Variants in CYP7B1 observed in about 807,000 individuals in gnomAD.
The protein encoded by CYP7B1 is cytochrome P450 7B1.
CYP7B1 carries 29 observed loss-of-function variants against 42.7 expected under a neutral mutation model. That is an observed-to-expected ratio of 0.68 (90% CI 0.51 to 0.93). The LOEUF is 0.93. Among genes scored for constraint, CYP7B1 ranks in the 40% least tolerant of loss-of-function variants. The probability of loss-of-function intolerance (pLI) is 0.00; values close to 1 mark genes in which losing one functional copy is unlikely to be tolerated. For synonymous variants in CYP7B1, 235 were observed against 218.2 expected, an observed-to-expected ratio of 1.08 and a Z score of -0.68; for missense variants, 655 against 600.5, an observed-to-expected ratio of 1.09 and a Z score of -0.95.
At chr8:64,785,544 G>A (rs542018971) in intron 1 of CYP7B1, among the ~76,000 whole-genome samples, 2 of 152,240 alleles carry the variant, frequency 1.3e-5, no homozygotes, top group South Asian at 2.1e-4. Context: ...GAGCTATCAA[G>A]CCTTGAAAAG....
intron 1 of CYP7B1, among the ~76,000 whole-genome samples, chr8:64,625,741 G>A (rs1351486069): frequency 2.0e-5 from 3 of 152,062 alleles, no homozygotes; most frequent in Non-Finnish European, 4.4e-5. Flanking sequence ...ACAGCACAGT[G>A]TTTTTATATG....
At chr8:64,706,299 GC>G (rs1806998680) in intron 1 of CYP7B1, among the ~76,000 whole-genome samples, 1 of 152,018 alleles carries the variant, frequency 6.6e-6, no homozygotes, top group Non-Finnish European at 1.5e-5. Context: ...AGTAAAGTGT[GC>G]CAATAATGAG....
At position 64,633,185 on chromosome 8, in the gene CYP7B1, A is replaced by G. The variant is rs538722716; in HGVS notation, c.123-8646T>C. Among the ~76,000 whole-genome samples the G allele has an allele frequency of 1.2e-4, 18 of 152,310 alleles. No homozygotes were observed. In the South Asian group the frequency reaches 3.3e-3, roughly 28 times the overall value. ...AGATCCTCAGTGTCTTCACCTGTAA[A>G]GGAGAATGTTGATACCAACCTTGGT... On this transcript the variant is annotated intron_variant, in intron 1 of 5. Coordinates refer to ENST00000310193, the MANE Select transcript of CYP7B1 (RefSeq NM_004820.5).
intron 1 of CYP7B1, among the ~76,000 whole-genome samples, chr8:64,633,713 A>G (rs1183586480): frequency 6.6e-6 from 1 of 152,184 alleles, no homozygotes; most frequent in Non-Finnish European, 1.5e-5. Flanking sequence ...TACAGATTCA[A>G]TGCAATCCCA....
chr8:64,768,360 CAAA>C (rs74274932), intron 1 of CYP7B1, among the ~76,000 whole-genome samples: 2 of 132,150 alleles, frequency 1.5e-5, no homozygotes. Context: ...CGTGCAACTC[CAAA>C]AAAAAAAAAA....
chr8:64,790,369 G>A (rs755568694), intron 1 of CYP7B1, among the ~76,000 whole-genome samples: 6 of 152,094 alleles, frequency 3.9e-5, no homozygotes, highest in Admixed American at 6.5e-5. Context: ...GCAGCCAAAG[G>A]ACCCTAGGAG....
intron 1 of CYP7B1, among the ~76,000 whole-genome samples, chr8:64,796,447 T>C (rs1411287313): frequency 1.3e-5 from 2 of 152,222 alleles, no homozygotes; most frequent in African/African-American, 2.4e-5. Context: ...ATGTATCAGA[T>C]TGGCAAAATT....
intron 1 of CYP7B1, among the ~76,000 whole-genome samples, chr8:64,733,434 C>T (rs776392044): frequency 6.6e-6 from 1 of 152,216 alleles, no homozygotes; most frequent in Non-Finnish European, 1.5e-5. Flanking sequence ...TGAGGACCAA[C>T]TAGTGCTTTA....
chr8:64,711,399 C>A (rs1490288070), intron 1 of CYP7B1, among the ~76,000 whole-genome samples: 1 of 152,130 alleles, frequency 6.6e-6, no homozygotes, highest in Non-Finnish European at 1.5e-5. Context: ...TGCAGAGAAG[C>A]CCACCACCGC....
intron 1 of CYP7B1, among the ~76,000 whole-genome samples, chr8:64,673,099 C>T (rs1409700381): frequency 6.6e-6 from 1 of 152,086 alleles, no homozygotes; most frequent in Non-Finnish European, 1.5e-5. Flanking sequence ...TCCCCCTTTG[C>T]TCTAGTCTTG....
intron 1 of CYP7B1, among the ~76,000 whole-genome samples, chr8:64,782,060 A>T (rs1298663896): frequency 1.3e-5 from 2 of 152,140 alleles, no homozygotes; most frequent in Non-Finnish European, 1.5e-5. Context: ...CCATCCTCTC[A>T]AAAGTCACCA....
At position 64,667,007 on chromosome 8, in the gene CYP7B1, C is replaced by T. The variant is rs571410351; in HGVS notation, c.123-42468G>A. On this transcript the variant is annotated intron_variant, in intron 1 of 5. Transcript: ENST00000310193. ...CTGCCATACTTCTCACTCAAATAACCTTGGAAATATCAGGATATTATAGAA... is the reference window on the plus strand; with the variant it reads ...CTGCCATACTTCTCACTCAAATAACTTTGGAAATATCAGGATATTATAGAA... Among the ~76,000 whole-genome samples, 7 of 152,274 alleles carry T rather than the reference C, an allele frequency of 4.6e-5. No homozygotes were observed. In the South Asian group the frequency reaches 1.5e-3, roughly 32 times the overall value.
At chr8:64,712,508 T>C (rs1042763913) in intron 1 of CYP7B1, among the ~76,000 whole-genome samples, 9 of 152,006 alleles carry the variant, frequency 5.9e-5, no homozygotes, top group African/African-American at 1.4e-4. Context: ...TAAATTTGCA[T>C]GTGGAAAGGA....
At chr8:64,646,096 C>T (rs1411517162) in intron 1 of CYP7B1, among the ~76,000 whole-genome samples, 1 of 152,128 alleles carries the variant, frequency 6.6e-6, no homozygotes, top group Non-Finnish European at 1.5e-5. Context: ...CACAAAAACC[C>T]TAGAAGAAAA....
chr8:64,793,766 T>C (rs1040121826), intron 1 of CYP7B1, among the ~76,000 whole-genome samples: 4 of 151,968 alleles, frequency 2.6e-5, no homozygotes, highest in Non-Finnish European at 2.9e-5. Context: ...TTATTCTTTC[T>C]GTTTGTAAAA....
intron 1 of CYP7B1, among the ~76,000 whole-genome samples, chr8:64,735,054 G>A (rs1283994838): frequency 6.6e-6 from 1 of 152,160 alleles, no homozygotes; most frequent in Admixed American, 6.5e-5. Flanking sequence ...GGTGGACCAT[G>A]GACCAGTACT....
intron 1 of CYP7B1, among the ~76,000 whole-genome samples, chr8:64,700,810 A>G (rs1806904752): frequency 6.6e-6 from 1 of 152,068 alleles, no homozygotes; most frequent in Admixed American, 6.6e-5. Flanking sequence ...TGTGACTGGA[A>G]CACCTGTTCC....
At chr8:64,762,576 T>G (rs1388018147) in intron 1 of CYP7B1, among the ~76,000 whole-genome samples, 1 of 152,238 alleles carries the variant, frequency 6.6e-6, no homozygotes, top group Non-Finnish European at 1.5e-5. Flanking sequence ...AAACGTGGTT[T>G]CATAATGCAA....
intron 1 of CYP7B1, among the ~76,000 whole-genome samples, chr8:64,766,515 T>A (rs1267590990): frequency 6.7e-6 from 1 of 148,956 alleles, no homozygotes; most frequent in African/African-American, 2.5e-5. Flanking sequence ...ACAAACGGGA[T>A]TAAAAAAAAA....
Sources: allele counts gnomAD v4.1 joint callset (sites outside exome capture counted in the v4.1 genomes callset), GRCh38; gene constraint gnomAD v4.1.1; transcripts MANE v1.5; gene names NCBI Gene and HGNC (gene_info 2026-07-23, HGNC 2026-07-21).